Variants in LRRC9 observed in about 807,000 individuals in gnomAD.
The protein encoded by LRRC9 is leucine rich repeat containing 9, also known as leucine-rich repeat-containing protein 9.
Under a neutral mutation model 63.2 loss-of-function variants are expected in LRRC9, and 122 were observed. That is an observed-to-expected ratio of 1.93 (90% CI 1.67 to 2.24). The LOEUF (loss-of-function observed/expected upper bound fraction) is 2.24. Ranked by LOEUF, LRRC9 falls within the 30% of genes most tolerant of loss-of-function variation. LRRC9 has a pLI of 0.00. For missense variants in LRRC9, 1,071 were observed against 627.7 expected, an observed-to-expected ratio of 1.71 and a Z score of -7.55; for synonymous variants, 366 against 213.1, an observed-to-expected ratio of 1.72 and a Z score of -6.25.
intron 31 of LRRC9, among the ~76,000 whole-genome samples, chr14:60,061,322 G>A (rs1395734668): frequency 1.3e-5 from 2 of 152,124 alleles, no homozygotes; most frequent in African/African-American, 4.8e-5. Context: ...AGCCACCCCG[G>A]CCTTCAGCAG....
Position 60,055,744 on chromosome 14 carries a change from A to C in LRRC9, c.4132-2134A>C, listed in dbSNP as rs202137910. Among the ~76,000 whole-genome samples, 33 of 148,754 alleles carry C rather than the reference A, an allele frequency of 2.2e-4. 1 individual carries two copies. Among genetic ancestry groups the C allele is most frequent in the East Asian group, 5.9e-4 (3 of 5,078 alleles). On this transcript the variant is annotated intron_variant, in intron 30 of 31. Coordinates refer to ENST00000445360, the Ensembl canonical transcript of LRRC9. ...CTTGTCTCTATTTAAAAAAAAAAAA[A>C]AACAAAAAAAACTAGCCAGGCATGA...
intron 1 of LRRC9, among the ~76,000 whole-genome samples, chr14:59,921,444 T>C (rs1157121656): frequency 6.6e-6 from 1 of 151,632 alleles, no homozygotes. Context: ...GCAGAGGCAA[T>C]TGGAATGAGG....
intron 15 of LRRC9, among the ~76,000 whole-genome samples, chr14:59,978,940 T>C (rs1225095921): frequency 6.6e-6 from 1 of 152,238 alleles, no homozygotes; most frequent in African/African-American, 2.4e-5. Flanking sequence ...CAAGATGTTA[T>C]CAGTCTCTTT....
At chr14:60,065,154 GGC>G (rs1254945395), downstream of LRRC9, among the ~76,000 whole-genome samples, 3 of 152,128 alleles carry the variant, frequency 2.0e-5, no homozygotes, top group Non-Finnish European at 4.4e-5. Context: ...GGCCAAGGCA[GGC>G]AGATCACAAG....
chr14:59,941,957 C>T (rs1427057362), intron 7 of LRRC9, among the ~76,000 whole-genome samples: 3 of 152,142 alleles, frequency 2.0e-5, no homozygotes, highest in Non-Finnish European at 4.4e-5. Flanking sequence ...CCATTCTTTC[C>T]TCCCCACTAC....
chr14:59,995,904 A>G (rs1367057151), intron 17 of LRRC9, among the ~76,000 whole-genome samples: 1 of 152,014 alleles, frequency 6.6e-6, no homozygotes, highest in Non-Finnish European at 1.5e-5. Flanking sequence ...CACGATGCCC[A>G]GCTAATTTTT....
At chr14:60,025,845 G>A (rs1418384507) in intron 27 of LRRC9, among the ~76,000 whole-genome samples, 2 of 152,000 alleles carry the variant, frequency 1.3e-5, no homozygotes, top group Non-Finnish European at 2.9e-5. Context: ...CTAGAGTGCT[G>A]GCAGTGGGAG....
At position 59,931,601 on chromosome 14, in the gene LRRC9, T is replaced by C. The variant is rs1265301560; in HGVS notation, c.409-18T>C. 2 of 690,146 alleles carry C rather than the reference T, an allele frequency of 2.9e-6. No homozygotes were observed. Among genetic ancestry groups the C allele is most frequent in the East Asian group, 2.7e-5 (1 of 37,088 alleles). The allele number at this position is 690,146 out of a possible 1,614,324, so 42.8% of individuals were successfully genotyped here. A position where few individuals can be genotyped will look rare whatever the true frequency, so the allele number is the denominator to read the frequency against. On this transcript the variant is annotated intron_variant, in intron 4 of 31. Coordinates refer to ENST00000445360, the Ensembl canonical transcript of LRRC9. Reference sequence around the variant, plus strand: ...TTTTAATTATCTGTTCTAAATAATATGTTGTCTAAATTTTTAGGGTTTGCA... The same window carrying C: ...TTTTAATTATCTGTTCTAAATAATACGTTGTCTAAATTTTTAGGGTTTGCA...
chr14:59,971,466 G>T (rs1416342857), intron 12 of LRRC9, among the ~76,000 whole-genome samples: 3 of 152,126 alleles, frequency 2.0e-5, no homozygotes, highest in East Asian at 3.8e-4. Context: ...GTTCCGTGAA[G>T]AATGTCACTG....
chr14:59,996,036 G>A (rs937130201), intron 17 of LRRC9, among the ~76,000 whole-genome samples: 3 of 152,044 alleles, frequency 2.0e-5, no homozygotes, highest in African/African-American at 4.8e-5. Flanking sequence ...CACCGGGCCC[G>A]GGCAGAAGAC....
intron 1 of LRRC9, among the ~76,000 whole-genome samples, chr14:59,926,338 G>T (rs1479407700): frequency 6.6e-6 from 1 of 152,012 alleles, no homozygotes; most frequent in Non-Finnish European, 1.5e-5. Flanking sequence ...GGGAAGATAG[G>T]TAAATACATG....
At chr14:60,012,475 G>A (rs1209913940) in intron 23 of LRRC9, among the ~76,000 whole-genome samples, 2 of 152,000 alleles carry the variant, frequency 1.3e-5, no homozygotes, top group Non-Finnish European at 2.9e-5. Context: ...TTTGCATTAA[G>A]GATACATATT....
At chr14:60,030,100 C>T (rs529214809) in intron 28 of LRRC9, among the ~76,000 whole-genome samples, 2 of 152,158 alleles carry the variant, frequency 1.3e-5, no homozygotes, top group Non-Finnish European at 2.9e-5. Context: ...CCAACATGGG[C>T]AGGCTGATAC....
At position 59,919,925 on chromosome 14, in the gene LRRC9, CGA is replaced by C. The variant is rs1888617291; in HGVS notation, c.-34+45_-34+46del. 1 of 152,236 alleles carries C rather than the reference CGA, an allele frequency of 6.6e-6. No individual in the cohort carries two copies. Among genetic ancestry groups the C allele is most frequent in the Non-Finnish European group, 1.5e-5 (1 of 68,050 alleles). 9.4% of individuals were successfully genotyped at this position (152,236 alleles called of 1,614,324 possible). A position where few individuals can be genotyped will look rare whatever the true frequency, so the allele number is the denominator to read the frequency against. ...GCGCAGGTACAGAAAAACCTGCCAG[CGA>C]GAAGCTCCCGCCGTTTCCCAGGAGC... On this transcript the variant is annotated intron_variant, in intron 1 of 31. Transcript: ENST00000445360. This position sits in a 1 kb window ranked among gnomAD's most constrained non-coding sequence, Gnocchi z 4.5.
intron 8 of LRRC9, among the ~76,000 whole-genome samples, chr14:59,959,371 T>A (rs910482178): frequency 2.0e-5 from 3 of 152,176 alleles, no homozygotes; most frequent in African/African-American, 7.2e-5. Context: ...TTAATAGTTA[T>A]TTTTTTCCAG....
intron 17 of LRRC9, among the ~76,000 whole-genome samples, chr14:59,996,403 T>A (rs1888794585): frequency 6.6e-6 from 1 of 152,192 alleles, no homozygotes; most frequent in South Asian, 2.1e-4. Flanking sequence ...TATAAGAAGT[T>A]CTATCCCAAC....
At chr14:60,063,547 C>T in exon 32 of LRRC9, 1 of 483,404 alleles carries the variant, frequency 2.1e-6, no homozygotes. Flanking sequence ...AATATCACCT[C>T]TCTTAAACTT....
rs971803033 is a variant in LRRC9 at position 60,060,512 on chromosome 14, G to A, written c.4276+2490G>A. ...TCCCAGCACTTTGGGAGGCTGAGGTGGGCAGATCACGAGGTCAGGAGATCG... is the reference window on the plus strand; with the variant it reads ...TCCCAGCACTTTGGGAGGCTGAGGTAGGCAGATCACGAGGTCAGGAGATCG... On this transcript the variant is annotated intron_variant, in intron 31 of 31. Transcript: ENST00000445360. This position sits in a 1 kb window ranked among gnomAD's most constrained non-coding sequence, Gnocchi z 4.0. Among the ~76,000 whole-genome samples, 21 of 152,248 alleles carry A rather than the reference G, an allele frequency of 1.4e-4. No individual in the cohort carries two copies. Among genetic ancestry groups the A allele is most frequent in the African/African-American group, 4.8e-4 (20 of 41,530 alleles).
In LRRC9 at chr14:59,938,560, G is replaced by A. The variant is rs117109392; in HGVS notation, c.714G>A (p.Lys238=). ...TGGATGTGTCAGCAAAGCAAATCAA[G>A]GAACTGGCAGATGTAAGTACATCCC... Residue 238 remains lysine, a synonymous_variant, in exon 7 of 32, where the codon AAG becomes AAA. Coordinates refer to ENST00000445360, the Ensembl canonical transcript of LRRC9. The surrounding 1 kb of genome is among the most constrained non-coding windows in gnomAD (Gnocchi z 4.2). 19,554 of 690,818 alleles carry A rather than the reference G, an allele frequency of 0.028. 434 individuals carry two copies. The highest frequency in any genetic ancestry group is 0.052 in the South Asian group (3,405 of 65,536). The allele number at this position is 690,818 out of a possible 1,614,324, so 42.8% of individuals were successfully genotyped here.
Sources: gnomAD v4.1 joint callset for allele counts (sites outside exome capture counted in the v4.1 genomes callset) on GRCh38, gnomAD v4.1.1 for gene constraint, Gnocchi (gnomAD v3.1) non-coding constraint, MANE v1.5 for transcripts, NCBI Gene and HGNC (gene_info 2026-07-23, HGNC 2026-07-21) for gene names.